Variants in GTF2A1L observed in about 807,000 individuals in gnomAD.
GTF2A1L encodes TFIIA-alpha and beta-like factor.
Under a neutral mutation model 49.7 loss-of-function variants are expected in GTF2A1L, and 48 were observed. The ratio of observed to expected loss-of-function variants is 0.97; its 90% confidence interval spans 0.77 to 1.23. The LOEUF (loss-of-function observed/expected upper bound fraction) is 1.23, where lower values mean the gene tolerates loss of function less well. Ranked by LOEUF, GTF2A1L falls within the 50% of genes most tolerant of loss-of-function variation. GTF2A1L has a pLI of 0.00. For missense variants in GTF2A1L, 736 were observed against 564.8 expected, an observed-to-expected ratio of 1.30 and a Z score of -3.07; for synonymous variants, 246 against 193.5, an observed-to-expected ratio of 1.27 and a Z score of -2.25.
At chr2:48,644,808 C>T (rs1413630556) in intron 4 of GTF2A1L, among the ~76,000 whole-genome samples, 1 of 152,200 alleles carries the variant, frequency 6.6e-6, no homozygotes, top group Non-Finnish European at 1.5e-5. Context: ...TTAGGACTTA[C>T]TAGCTTCATT....
intron 3 of GTF2A1L, among the ~76,000 whole-genome samples, chr2:48,622,727 G>A (rs1308929681): frequency 6.6e-6 from 1 of 151,888 alleles, no homozygotes; most frequent in African/African-American, 2.4e-5. Flanking sequence ...CTAGCTACTT[G>A]GGAGGCTGAG....
At chr2:48,643,793 A>G (rs1572725401) in intron 4 of GTF2A1L, among the ~76,000 whole-genome samples, 1 of 142,240 alleles carries the variant, frequency 7.0e-6, no homozygotes, top group African/African-American at 2.6e-5. Flanking sequence ...TCCGCCTCCC[A>G]GGTTCAAGTG....
intron 1 of GTF2A1L, 55 bp from the exon 2 acceptor site, chr2:48,620,796 A>C: frequency 1.1e-6 from 1 of 935,998 alleles, no homozygotes; most frequent in South Asian, 3.9e-5. Context: ...TAAATAAATA[A>C]ATAAATAAAT....
chr2:48,657,033 T>C (rs1678218866), intron 6 of GTF2A1L, among the ~76,000 whole-genome samples: 1 of 152,228 alleles, frequency 6.6e-6, no homozygotes, highest in African/African-American at 2.4e-5. Flanking sequence ...ATCTTTATTT[T>C]ATTGGTGTAT....
chr2:48,667,467 G>A (rs781511210), intron 6 of GTF2A1L, among the ~76,000 whole-genome samples: 2 of 152,104 alleles, frequency 1.3e-5, no homozygotes, highest in Non-Finnish European at 2.9e-5. Flanking sequence ...TTGTTAGTAT[G>A]GTAGTGGCAT....
Position 48,620,422 on chromosome 2 carries a change from C to T in GTF2A1L, c.22-429C>T, listed in dbSNP as rs544860018. Among the ~76,000 whole-genome samples the T allele has an allele frequency of 3.9e-5, 6 of 152,312 alleles. No individual in the cohort carries two copies. In the East Asian group the frequency reaches 1.2e-3, roughly 29 times the overall value. The stretch of plus-strand genomic sequence containing the variant: ...ATAGTAAAAGTTTTAATGGTGACTT[C>T]ACAAGACTAGAAGGTATGCACTGCA... On this transcript the variant is annotated intron_variant, in intron 1 of 8. Coordinates refer to ENST00000403751, the MANE Select transcript of GTF2A1L (RefSeq NM_006872.5).
chr2:48,643,254 C>G (rs3792244), intron 4 of GTF2A1L, among the ~76,000 whole-genome samples: 1 of 152,132 alleles, frequency 6.6e-6, no homozygotes, highest in African/African-American at 2.4e-5. Flanking sequence ...GCAGAAGATA[C>G]ATTTACAAGT....
In GTF2A1L at chr2:48,679,590, A is replaced by T. The variant is rs1679659301; in HGVS notation, c.*148A>T. 3 of 1,412,828 alleles carry T rather than the reference A, an allele frequency of 2.1e-6. No homozygotes were observed. Among genetic ancestry groups the T allele is most frequent in the Non-Finnish European group, 2.8e-6 (3 of 1,087,628 alleles). The allele number at this position is 1,412,828 out of a possible 1,614,324, so 87.5% of individuals were successfully genotyped here. On this transcript the variant is annotated 3_prime_UTR_variant, in exon 9 of 9. Coordinates refer to ENST00000403751, the MANE Select transcript of GTF2A1L (RefSeq NM_006872.5). ...GGAATTTAATAAAATTATAATTCAGATGCAGATACAATTACACAATTTTAT... is the reference window on the plus strand; with the variant it reads ...GGAATTTAATAAAATTATAATTCAGTTGCAGATACAATTACACAATTTTAT...
chr2:48,630,986 AGTTAACTTTTGATGAGCTGCTGG>A (rs1265798495), intron 3 of GTF2A1L, among the ~76,000 whole-genome samples: 1 of 152,248 alleles, frequency 6.6e-6, no homozygotes, highest in Admixed American at 6.5e-5. Flanking sequence ...AGTTGTGGTG[AGTTAACTTTTGATGAGCTGCTGG>A]GTTCAGTTTG....
chr2:48,626,314 C>T lies in GTF2A1L; in HGVS notation c.247+5024C>T, dbSNP rs557710682. Among the ~76,000 whole-genome samples the T allele has an allele frequency of 4.0e-4, 58 of 143,846 alleles. 10 individuals are homozygous for T. Among genetic ancestry groups the T allele is most frequent in the South Asian group, 4.0e-3 (17 of 4,244 alleles). 94.4% of individuals were successfully genotyped at this position (143,846 alleles called of 152,430 possible). A position where few individuals can be genotyped will look rare whatever the true frequency, so the allele number is the denominator to read the frequency against. On this transcript the variant is annotated intron_variant, in intron 3 of 8. Coordinates refer to ENST00000403751, the MANE Select transcript of GTF2A1L (RefSeq NM_006872.5). ...AAACAAGAAAATGTGATACCTCCAA[C>T]TCTGCTTTTTTTTTCTTCCCCTCTG...
At chr2:48,647,120 C>A in intron 6 of GTF2A1L, 78 bp downstream of exon 6, 2 of 1,219,444 alleles carry the variant, frequency 1.6e-6, no homozygotes, top group East Asian at 2.6e-5. Flanking sequence ...TATTTTCAAG[C>A]TGTAATGTTA....
At chr2:48,621,714 G>A (rs1676007712) in intron 3 of GTF2A1L, among the ~76,000 whole-genome samples, 1 of 152,152 alleles carries the variant, frequency 6.6e-6, no homozygotes, top group South Asian at 2.1e-4. Flanking sequence ...GGAGCAAAAT[G>A]GAGAGTTCAG....
chr2:48,665,204 G>A (rs192384842), intron 6 of GTF2A1L, among the ~76,000 whole-genome samples: 7 of 151,764 alleles, frequency 4.6e-5, no homozygotes, highest in South Asian at 2.1e-4. Flanking sequence ...TTACGGGTGC[G>A]AGCCACCCTG....
Position 48,629,381 on chromosome 2 carries a change from A to G in GTF2A1L, c.247+8091A>G. 1.4e-5 allele frequency among the ~76,000 whole-genome samples: 2 copies of G among 144,684 alleles called. 1 individual carries two copies. Among genetic ancestry groups the G allele is most frequent in the Non-Finnish European group, 3.1e-5 (2 of 64,150 alleles). 94.9% of individuals were successfully genotyped at this position (144,684 alleles called of 152,430 possible). A position where few individuals can be genotyped will look rare whatever the true frequency, so the allele number is the denominator to read the frequency against. On this transcript the variant is annotated intron_variant, in intron 3 of 8. Coordinates refer to ENST00000403751, the MANE Select transcript of GTF2A1L (RefSeq NM_006872.5). ...AACTTGATATGGAAGGCATGTAAGA[A>G]TTGTACTGAGTACAACGTCTGTGTG... is the stretch of plus-strand genomic sequence containing the variant.
chr2:48,679,230 C>G (rs759484336), intron 8 of GTF2A1L, 105 bp from the exon 9 acceptor site: 183 of 1,409,206 alleles, frequency 1.3e-4, no homozygotes, highest in Non-Finnish European at 1.7e-4. Flanking sequence ...AATTTTAAGG[C>G]ACTCACATTT....
At chr2:48,620,778 A>AGAAT (rs1320949086) in intron 1 of GTF2A1L, 73 bp from the exon 2 acceptor site, 49 of 614,502 alleles carry the variant, frequency 8.0e-5, no homozygotes, top group Admixed American at 1.7e-4. Context: ...CTCCATCTCA[A>AGAAT]GAATAAATAA....
chr2:48,623,526 T>G (rs970278121), intron 3 of GTF2A1L, among the ~76,000 whole-genome samples: 7 of 152,176 alleles, frequency 4.6e-5, no homozygotes, highest in African/African-American at 1.7e-4. Context: ...ATTTCTCAAC[T>G]TAGAGCTACA....
In GTF2A1L at chr2:48,622,899, A is replaced by G. The variant is rs1676087972; in HGVS notation, c.247+1609A>G. 2.0e-5 allele frequency among the ~76,000 whole-genome samples: 3 copies of G among 148,226 alleles called. No homozygotes were observed. The Admixed American group carries it at 2.0e-4, about 10-fold the overall frequency. On this transcript the variant is annotated intron_variant, in intron 3 of 8. Transcript: ENST00000403751. ...CTGTCATTCAAAATTGCAATACTAGATTTTGCCGCAAGATGGTAATATTAC... is the reference window on the plus strand; with the variant it reads ...CTGTCATTCAAAATTGCAATACTAGGTTTTGCCGCAAGATGGTAATATTAC...
intron 3 of GTF2A1L, chr2:48,632,275 C>G: frequency 6.6e-6 from 1 of 152,114 alleles, no homozygotes; most frequent in East Asian, 1.9e-4. Flanking sequence ...AGGCTCTAAC[C>G]TCTCCAGGAA....
Sources: allele counts gnomAD v4.1 joint callset (sites outside exome capture counted in the v4.1 genomes callset), GRCh38; gene constraint gnomAD v4.1.1; transcripts MANE v1.5; gene names NCBI Gene and HGNC (gene_info 2026-07-23, HGNC 2026-07-21).